The following GSE1 variants were observed in gnomAD, a reference collection of about 807,000 sequenced individuals.
GSE1 encodes genetic suppressor element 1.
In GSE1, 32 loss-of-function variants were observed where a neutral mutation model predicts 112.6. That is an observed-to-expected ratio of 0.28 (90% CI 0.21 to 0.38). GSE1 has a LOEUF of 0.38. Among genes scored for constraint, GSE1 ranks in the 10% least tolerant of loss-of-function variants. The pLI, the probability that GSE1 is intolerant of heterozygous loss-of-function variation, is 1.00. For synonymous variants in GSE1, 1,115 were observed against 735.6 expected, an observed-to-expected ratio of 1.52 and a Z score of -8.35; for missense variants, 2,348 against 1,699.2, an observed-to-expected ratio of 1.38 and a Z score of -6.71.
At chr16:85,320,639 A>G (rs963723972) in intron 1 of GSE1, among the ~76,000 whole-genome samples, 1 of 152,036 alleles carries the variant, frequency 6.6e-6, no homozygotes, top group Non-Finnish European at 1.5e-5. Context: ...GTGTGACCTC[A>G]TCTTAACTAG....
intron 1 of GSE1, among the ~76,000 whole-genome samples, chr16:85,255,300 T>C (rs983622555): frequency 4.6e-5 from 7 of 152,094 alleles, no homozygotes; most frequent in African/African-American, 7.2e-5. Flanking sequence ...AAAGCCCAGC[T>C]GCCGGCCCAG....
At chr16:85,634,954 G>C (rs983566706) in intron 2 of GSE1, among the ~76,000 whole-genome samples, 8 of 147,350 alleles carry the variant, frequency 5.4e-5, no homozygotes, top group African/African-American at 2.2e-4. Context: ...CTGACAGGCG[G>C]GGGGGCTGAG....
Position 85,319,592 on chromosome 16 carries a change from C to A in GSE1, c.2284-37871C>A, listed in dbSNP as rs1218667479. Among the ~76,000 whole-genome samples, 5 of 152,210 alleles carry A rather than the reference C, an allele frequency of 3.3e-5. No individual in the cohort carries two copies. The East Asian group carries it at 9.6e-4, about 29-fold the overall frequency. On this transcript the variant is annotated intron_variant, in intron 1 of 2. Coordinates refer to the GSE1 transcript ENST00000637419. Reference sequence around the variant, plus strand: ...AGGTTCTGGGCAGACATTATTGCGACCATCTCACAGATGAGCATATTGAGG... The same window carrying A: ...AGGTTCTGGGCAGACATTATTGCGAACATCTCACAGATGAGCATATTGAGG...
At chr16:85,637,743 C>T (rs1157005141) in intron 2 of GSE1, among the ~76,000 whole-genome samples, 1 of 151,004 alleles carries the variant, frequency 6.6e-6, no homozygotes, top group South Asian at 2.1e-4. Flanking sequence ...TAGCCTCCTC[C>T]CTGCAGAAAG....
intron 3 of GSE1, among the ~76,000 whole-genome samples, chr16:85,649,115 G>A (rs904482260): frequency 6.6e-6 from 1 of 152,158 alleles, no homozygotes; most frequent in Admixed American, 6.5e-5. Context: ...GTCGTCTGTG[G>A]TGTCTCCATG....
intron 1 of GSE1, among the ~76,000 whole-genome samples, chr16:85,236,520 G>C (rs117795319): frequency 6.6e-6 from 1 of 152,224 alleles, no homozygotes. Context: ...CCTGTGCATA[G>C]GCCTGGGTGT....
Position 85,673,359 on chromosome 16 carries a change from T to C in GSE1, c.*820T>C, listed in dbSNP as rs995713772. On this transcript the variant is annotated 3_prime_UTR_variant, in exon 16 of 16. Transcript: ENST00000253458. ...ATTAAAAAAAAAACAAAGTTTTGTA[T>C]GTTTTTATTACTTTAACTATTGTTA... is the stretch of plus-strand genomic sequence containing the variant. 1.3e-5 allele frequency: 2 copies of C among 152,500 alleles called. No individual in the cohort carries two copies. Among genetic ancestry groups the C allele is most frequent in the Admixed American group, 6.6e-5 (1 of 15,262 alleles). The allele number at this position is 152,500 out of a possible 1,614,324, so 9.4% of individuals were successfully genotyped here.
chr16:85,207,002 C>T (rs929910048), intron 1 of GSE1, among the ~76,000 whole-genome samples: 17 of 152,194 alleles, frequency 1.1e-4, no homozygotes, highest in South Asian at 2.1e-4. Context: ...GGCGGGCTGG[C>T]CTCGCAGTGA....
chr16:85,481,180 G>T (rs2050671274), intron 2 of GSE1, among the ~76,000 whole-genome samples: 1 of 152,210 alleles, frequency 6.6e-6, no homozygotes, highest in African/African-American at 2.4e-5. Flanking sequence ...GGCTTCCCAG[G>T]TTTACACCCA....
Position 85,668,289 on chromosome 16 carries a change from A to G in GSE1, c.3280A>G (p.Thr1094Ala). 2 of 1,612,906 alleles carry G rather than the reference A, an allele frequency of 1.2e-6. No homozygotes were observed. The highest frequency in any genetic ancestry group is 1.1e-5 in the South Asian group (1 of 91,048). The change falls in exon 14 of 16, where the codon ACC (threonine) becomes GCC (alanine). Residue 1094 changes from threonine (T) to alanine (A), a missense_variant. Coordinates refer to ENST00000253458, the MANE Select transcript of GSE1 (RefSeq NM_014615.5). ...CCCCACTGCAAGGAAGGGCCCCCCA[A>G]CCCAGGAGTTGGACCGGGACTCGGA... ...EPPTARKGPP[T>A]QELDRDSEEE...
At chr16:85,298,707 G>A (rs888030981) in intron 1 of GSE1, among the ~76,000 whole-genome samples, 2 of 152,230 alleles carry the variant, frequency 1.3e-5, no homozygotes, top group Non-Finnish European at 1.5e-5. Context: ...AATTACAGGC[G>A]TGAGCCACTG....
At chr16:85,273,685 G>C (rs1191380646) in intron 1 of GSE1, among the ~76,000 whole-genome samples, 1 of 151,882 alleles carries the variant, frequency 6.6e-6, no homozygotes, top group African/African-American at 2.4e-5. Flanking sequence ...ATGGGCATGG[G>C]GTCTCCTTTT....
chr16:85,343,854 C>T (rs550138679), intron 1 of GSE1, among the ~76,000 whole-genome samples: 21 of 152,344 alleles, frequency 1.4e-4, no homozygotes, highest in East Asian at 1.9e-4. Flanking sequence ...AGAGTCCTCC[C>T]GGGGACCTGT....
intron 3 of GSE1, among the ~76,000 whole-genome samples, chr16:85,651,390 C>T (rs1054751331): frequency 9.2e-5 from 14 of 152,086 alleles, no homozygotes; most frequent in African/African-American, 3.4e-4. Flanking sequence ...GGCCCCTGCC[C>T]CGCCTGCTGG....
intron 2 of GSE1, among the ~76,000 whole-genome samples, chr16:85,479,195 T>TTTC (rs1448566255): frequency 3.1e-5 from 4 of 130,128 alleles, no homozygotes; most frequent in South Asian, 4.6e-4. Flanking sequence ...CTAATTTTTT[T>TTTC]TTTTTTTTTT....
intron 1 of GSE1, among the ~76,000 whole-genome samples, chr16:85,621,051 G>C (rs1224883388): frequency 1.3e-5 from 2 of 151,908 alleles, no homozygotes; most frequent in African/African-American, 4.8e-5. Context: ...GCTGTGTGGG[G>C]GAACCCATTT....
intron 1 of GSE1, among the ~76,000 whole-genome samples, chr16:85,188,424 T>C (rs2074753623): frequency 6.6e-6 from 1 of 152,204 alleles, no homozygotes. Context: ...CTCACTGTTC[T>C]GGAGAGCTGT....
intron 3 of GSE1, among the ~76,000 whole-genome samples, chr16:85,651,332 C>T (rs192973199): frequency 1.6e-4 from 25 of 151,936 alleles, no homozygotes; most frequent in Non-Finnish European, 1.5e-4. Context: ...CAGGGTTGGC[C>T]GGGCGCCAGC....
chr16:85,554,464 T>A (rs2045096406), upstream of GSE1, among the ~76,000 whole-genome samples: 1 of 152,138 alleles, frequency 6.6e-6, no homozygotes, highest in African/African-American at 2.4e-5. Flanking sequence ...TCTATTTGCC[T>A]GGAAGCATGC....
Sources: gnomAD v4.1 joint callset for allele counts (sites outside exome capture counted in the v4.1 genomes callset) on GRCh38, gnomAD v4.1.1 for gene constraint, MANE v1.5 for transcripts, NCBI Gene and HGNC (gene_info 2026-07-23, HGNC 2026-07-21) for gene names.